The following POC1B variants were observed in gnomAD, a reference collection of about 807,000 sequenced individuals.
The protein encoded by POC1B is POC1 centriolar protein homolog B.
A neutral mutation model predicts 60.6 loss-of-function variants in POC1B; 44 were observed. The ratio of observed to expected loss-of-function variants is 0.73; its 90% CI spans 0.57 to 0.93. The LOEUF (loss-of-function observed/expected upper bound fraction) is 0.93. POC1B is among the 40% of genes least tolerant of loss of function. The pLI, the probability that POC1B is intolerant of heterozygous loss-of-function variation, is 0.00. For synonymous variants in POC1B, 180 were observed against 198.9 expected (o/e 0.90, Z 0.80); for missense variants, 555 against 572.3 (o/e 0.97, Z 0.31).
At chr12:89,497,103 A>G in intron 3 of POC1B, 68 bp downstream of exon 3, 1 of 1,496,316 alleles carries the variant, frequency 6.7e-7, no homozygotes, top group South Asian at 1.2e-5. Context: ...CATGAGCAGC[A>G]GCCAGGGTCA....
the POC1B span, among the ~76,000 whole-genome samples, chr12:89,413,310 AT>A: frequency 6.6e-6 from 1 of 152,116 alleles, no homozygotes; most frequent in Admixed American, 6.5e-5. Context: ...GGCTCAAGCA[AT>A]CCCCCTGCCT....
At chr12:89,499,974 G>T in intron 2 of POC1B, 1 of 704,352 alleles carries the variant, frequency 1.4e-6, no homozygotes, top group South Asian at 1.7e-5. Flanking sequence ...TTCGACTTAA[G>T]GGTGTTGCTT....
In POC1B at chr12:89,467,639, G is replaced by A. The variant is rs776996401; in HGVS notation, c.857C>T (p.Ala286Val). 1.2e-6 allele frequency: 2 copies of A among 1,611,954 alleles called. No individual in the cohort carries two copies. The highest frequency in any genetic ancestry group is 1.7e-6 in the Non-Finnish European group (2 of 1,178,584). Residue 286 changes from alanine to valine, a missense_variant, in exon 8 of 12, where the codon GCA becomes GTA. By Grantham distance (64) the Ala-to-Val change is moderately conservative (BLOSUM62 0). Transcript: ENST00000313546. ...VSFSKGGELF[A>V]SGGADTQVLL... ...AACCTGTGTGTCTGCACCTCCTGATGCAAATAGCTCTCCACCTTTTGAAAA... is the reference window on the plus strand; with the variant it reads ...AACCTGTGTGTCTGCACCTCCTGATACAAATAGCTCTCCACCTTTTGAAAA...
chr12:89,525,883 T>A lies in POC1B; in HGVS notation c.13A>T (p.Thr5Ser). ...CCCCACCTCCAACCCGTCCTTACCG[T>A]GGCTGAGGCCATCGGGGGAGTGGTC... Reference protein sequence around the residue: MASATEDPVLERYFK... With the variant: MASASEDPVLERYFK... Residue 5 changes from threonine to serine, a missense_variant and splice_region_variant, in exon 1 of 12, where the codon ACG (threonine) becomes TCG (serine). Physicochemically the swap from Thr to Ser is moderately conservative, Grantham distance 58 (BLOSUM62 1). Transcript: ENST00000313546. 6.8e-7 allele frequency: 1 copy of A among 1,460,568 alleles called. No homozygotes were observed. Among genetic ancestry groups the A allele is most frequent in the Non-Finnish European group, 9.1e-7 (1 of 1,100,556 alleles). 90.5% of individuals were successfully genotyped at this position (1,460,568 alleles called of 1,614,324 possible).
chr12:89,401,478 A>C, the POC1B span, among the ~76,000 whole-genome samples: 7 of 136,022 alleles, frequency 5.1e-5, no homozygotes, highest in East Asian at 2.1e-4. Context: ...TGCCTTTTTC[A>C]TTTTTTTTTT....
intron 3 of POC1B, among the ~76,000 whole-genome samples, chr12:89,495,350 A>C (rs10745501): frequency 0.76 from 114,868 of 152,138 alleles, 43,448 homozygotes; most frequent in Middle Eastern, 0.82. Context: ...CAAACTAGTT[A>C]CTTCTCCCTT....
chr12:89,518,881 A>C (rs1446748469), intron 2 of POC1B, among the ~76,000 whole-genome samples: 1 of 152,178 alleles, frequency 6.6e-6, no homozygotes, highest in Non-Finnish European at 1.5e-5. Context: ...TCACCTATAT[A>C]TATGCTAAAT....
chr12:89,433,559 A>G (rs1014487127), intron 10 of POC1B, among the ~76,000 whole-genome samples: 1 of 152,210 alleles, frequency 6.6e-6, no homozygotes, highest in Admixed American at 6.5e-5. Flanking sequence ...GGATGTAATG[A>G]TGGACCACAG....
chr12:89,437,421 G>A (rs75458942), intron 10 of POC1B, among the ~76,000 whole-genome samples: 2 of 152,050 alleles, frequency 1.3e-5, no homozygotes, highest in Non-Finnish European at 2.9e-5. Context: ...TGAAATGTCC[G>A]GTTTCCTGAA....
chr12:89,442,870 A>G, intron 10 of POC1B, among the ~76,000 whole-genome samples: 1 of 152,250 alleles, frequency 6.6e-6, no homozygotes, highest in East Asian at 1.9e-4. Context: ...TCTCATGTGC[A>G]GAGACACAAT....
intron 2 of POC1B, among the ~76,000 whole-genome samples, chr12:89,513,436 A>G (rs751006265): frequency 2.0e-5 from 3 of 152,194 alleles, no homozygotes; most frequent in Non-Finnish European, 4.4e-5. Context: ...TGACAGGATA[A>G]CCTTGAAGGA....
chr12:89,501,559 A>C (rs1869567166), intron 2 of POC1B: 9 of 1,318,156 alleles, frequency 6.8e-6, no homozygotes, highest in Non-Finnish European at 9.3e-6. Flanking sequence ...AAGCAAGAAA[A>C]GTAGCACTAG....
chr12:89,412,711 A>C, the POC1B span, among the ~76,000 whole-genome samples: 4 of 151,974 alleles, frequency 2.6e-5, no homozygotes, highest in Non-Finnish European at 5.9e-5. Flanking sequence ...TATTAAAAGC[A>C]TTCTGAAATA....
chr12:89,410,896 T>C, the POC1B span, among the ~76,000 whole-genome samples: 1 of 152,200 alleles, frequency 6.6e-6, no homozygotes, highest in Non-Finnish European at 1.5e-5. Flanking sequence ...AAAATGTCCT[T>C]AAGCTGATAG....
In POC1B at chr12:89,480,793, A is replaced by G. The variant is rs576007539; in HGVS notation, c.453-8518T>C. Reference sequence around the variant, plus strand: ...TTTTTTGTATTTTTAGTAGAGATGGAGTTTCACCATGTTAGCCAGGATGGT... The same window carrying G: ...TTTTTTGTATTTTTAGTAGAGATGGGGTTTCACCATGTTAGCCAGGATGGT... On this transcript the variant is annotated intron_variant, in intron 4 of 11. Coordinates refer to ENST00000313546, the MANE Select transcript of POC1B (RefSeq NM_172240.3). Among the ~76,000 whole-genome samples the G allele has an allele frequency of 8.6e-5, 13 of 151,862 alleles. No individual in the cohort carries two copies. The East Asian group carries it at 9.7e-4, about 11-fold the overall frequency.
chr12:89,516,726 C>T (rs2135765028), intron 2 of POC1B, among the ~76,000 whole-genome samples: 1 of 152,270 alleles, frequency 6.6e-6, no homozygotes, highest in Non-Finnish European at 1.5e-5. Context: ...AGCCTGAAAT[C>T]ATGGTGTTGG....
At chr12:89,514,041 TA>T (rs1196928213) in intron 2 of POC1B, among the ~76,000 whole-genome samples, 2 of 152,172 alleles carry the variant, frequency 1.3e-5, no homozygotes. Flanking sequence ...CTGTGAAACC[TA>T]AGAGCCCCTA....
intron 10 of POC1B, among the ~76,000 whole-genome samples, chr12:89,446,708 T>G (rs1198411527): frequency 1.3e-5 from 2 of 150,346 alleles, no homozygotes; most frequent in Non-Finnish European, 3.0e-5. Context: ...TGTAACAAAC[T>G]TAAAGTGTAA....
chr12:89,517,506 A>T (rs559926399), intron 2 of POC1B, among the ~76,000 whole-genome samples: 9 of 152,032 alleles, frequency 5.9e-5, no homozygotes, highest in African/African-American at 1.9e-4. Context: ...TATGGCATGC[A>T]CCTATAGTCC....
Sources: gnomAD v4.1 joint callset for allele counts (sites outside exome capture counted in the v4.1 genomes callset) on GRCh38, gnomAD v4.1.1 for gene constraint, MANE v1.5 for transcripts, NCBI Gene and HGNC (gene_info 2026-07-23, HGNC 2026-07-21) for gene names.